Variants in LRRK1 observed in about 807,000 individuals in gnomAD.
LRRK1 encodes leucine-rich repeat serine/threonine-protein kinase 1.
A neutral mutation model predicts 209.1 loss-of-function variants in LRRK1; 113 were observed. That is an observed-to-expected ratio of 0.54 (90% CI 0.46 to 0.63). The LOEUF (loss-of-function observed/expected upper bound fraction) is 0.63, where lower values mean the gene tolerates loss of function less well. LRRK1 is among the 30% of genes least tolerant of loss of function. The probability of loss-of-function intolerance (pLI) is 0.00; values close to 1 mark genes in which losing one functional copy is unlikely to be tolerated. For missense variants in LRRK1, 2,284 were observed against 2,632.2 expected (o/e 0.87, Z 2.89); for synonymous variants, 1,144 against 1,099.7 (o/e 1.04, Z -0.80).
At chr15:101,065,165 C>T (rs1479853150) in intron 31 of LRRK1, 187 bp from the exon 32 acceptor site, 16 of 634,870 alleles carry the variant, frequency 2.5e-5, no homozygotes, top group Middle Eastern at 8.3e-4. Flanking sequence ...TATGGCTCTG[C>T]GGAGTCAGAG....
chr15:100,947,073 G>A (rs186089054), intron 2 of LRRK1, among the ~76,000 whole-genome samples: 2 of 152,056 alleles, frequency 1.3e-5, no homozygotes, highest in East Asian at 1.9e-4. Flanking sequence ...AGCTTCAAGC[G>A]ATTCCTCTGC....
intron 12 of LRRK1, 119 bp from the exon 13 acceptor site, chr15:101,020,934 T>C: frequency 9.1e-7 from 1 of 1,094,208 alleles, no homozygotes; most frequent in South Asian, 1.4e-5. Flanking sequence ...CATTTTGTTC[T>C]GATAGGCTTG....
chr15:100,992,265 A>G (rs767030773), intron 6 of LRRK1, among the ~76,000 whole-genome samples: 1 of 152,226 alleles, frequency 6.6e-6, no homozygotes, highest in Non-Finnish European at 1.5e-5. Context: ...AATTAGATAA[A>G]GCAGATCTTT....
chr15:101,022,826 T>C lies in LRRK1; in HGVS notation c.2067+229T>C, dbSNP rs2141711360. On this transcript the variant is annotated intron_variant, in intron 15 of 33. Transcript: ENST00000388948. This position sits in a 1 kb window ranked among gnomAD's most constrained non-coding sequence, Gnocchi z 4.0. ...TTTTTCTTTACTTTTCTTTTTTTTT[T>C]TTCTTGAGACAGGGTTTCACTGTGT... Among the ~76,000 whole-genome samples, 1 of 152,212 alleles carries C rather than the reference T, an allele frequency of 6.6e-6. No homozygotes were observed. Among genetic ancestry groups the C allele is most frequent in the Non-Finnish European group, 1.5e-5 (1 of 67,998 alleles).
chr15:101,019,848 T>C (rs540775917), intron 12 of LRRK1, among the ~76,000 whole-genome samples: 1 of 152,278 alleles, frequency 6.6e-6, no homozygotes, highest in East Asian at 1.9e-4. Flanking sequence ...TCTGCTGAAA[T>C]CCAAACCTCT....
rs375092831 is a variant in LRRK1, at chr15:100,964,124, G to A, written c.98-9680G>A. Reference sequence around the variant, plus strand: ...CTGTTAGTGAGAGCCCGCAGAGCCCGGCCCTGGCTTTTGCTTTCCTGTCTG... The same window carrying A: ...CTGTTAGTGAGAGCCCGCAGAGCCCAGCCCTGGCTTTTGCTTTCCTGTCTG... On this transcript the variant is annotated intron_variant, in intron 2 of 33. Transcript: ENST00000388948. Among the ~76,000 whole-genome samples, 47 of 152,226 alleles carry A rather than the reference G, an allele frequency of 3.1e-4. No homozygotes were observed. In the East Asian group the frequency reaches 4.1e-3, roughly 13 times the overall value.
chr15:100,983,649 C>T lies in LRRK1; in HGVS notation c.383C>T (p.Ala128Val), dbSNP rs754657738. 11 of 1,608,236 alleles carry T rather than the reference C, an allele frequency of 6.8e-6. No homozygotes were observed. In the East Asian group the frequency reaches 1.3e-4, roughly 20 times the overall value. Residue 128 changes from alanine (A) to valine (V), a missense_variant, in exon 4 of 34, where the codon GCG (alanine) becomes GTG (valine). Transcript: ENST00000388948. ...PTDDNPAVVA[A>V]YFGHTAVVQE... Reference sequence around the variant, plus strand: ...GATGACAACCCAGCCGTGGTGGCAGCGTATTTTGGACACACGGCAGTTGTG... The same window carrying T: ...GATGACAACCCAGCCGTGGTGGCAGTGTATTTTGGACACACGGCAGTTGTG...
intron 20 of LRRK1, among the ~76,000 whole-genome samples, chr15:101,031,994 A>G (rs1414016477): frequency 1.3e-5 from 2 of 152,192 alleles, no homozygotes; most frequent in Non-Finnish European, 2.9e-5. Flanking sequence ...TTGGCCTCCC[A>G]AAGTGCTGGG....
At chr15:100,923,420 T>C (rs1254092157) in intron 1 of LRRK1, among the ~76,000 whole-genome samples, 2 of 152,232 alleles carry the variant, frequency 1.3e-5, no homozygotes, top group Non-Finnish European at 2.9e-5. Context: ...GGCTGCACTA[T>C]CACTCCCCAT....
Position 101,012,161 on chromosome 15 carries a change from C to T in LRRK1, c.1419+16C>T. On this transcript the variant is annotated intron_variant, in intron 10 of 33. Transcript: ENST00000388948. ...CCAGCTTGATGTAAGCCTAATAGCC[C>T]TTTCTTTCTCATTTTCGGCTTTTGA... The T allele has an allele frequency of 6.3e-7, 1 of 1,578,836 alleles. No individual in the cohort carries two copies. Among genetic ancestry groups the T allele is most frequent in the Non-Finnish European group, 8.6e-7 (1 of 1,166,960 alleles).
chr15:101,051,290 C>T (rs1195242866), intron 23 of LRRK1, among the ~76,000 whole-genome samples: 3 of 152,232 alleles, frequency 2.0e-5, no homozygotes, highest in African/African-American at 7.2e-5. Flanking sequence ...CCCTGCATTG[C>T]CCTTCATGGA....
intron 2 of LRRK1, among the ~76,000 whole-genome samples, chr15:100,949,090 T>C (rs2042596680): frequency 6.6e-6 from 1 of 152,108 alleles, no homozygotes; most frequent in Non-Finnish European, 1.5e-5. Flanking sequence ...AAAAGTTAGT[T>C]CTTTGAAAAA....
chr15:100,956,455 C>CTTTTTTTTTTCTTTTTTTTTTTTTTT (rs2042762776), intron 2 of LRRK1, among the ~76,000 whole-genome samples: 4 of 60,532 alleles, frequency 6.6e-5, no homozygotes, highest in African/African-American at 2.6e-4. Context: ...TTTTTTTTTT[C>CTTTTTTTTTTCTTTTTTTTTTTTTTT]TTTTTTTTTT....
intron 2 of LRRK1, among the ~76,000 whole-genome samples, chr15:100,956,075 T>G (rs940629780): frequency 6.6e-6 from 1 of 152,238 alleles, no homozygotes; most frequent in African/African-American, 2.4e-5. Context: ...CACTCTTCTT[T>G]AAACGTTTGG....
chr15:101,052,982 G>A lies in LRRK1; in HGVS notation c.3750G>A (p.Gln1250=), dbSNP rs369708016. Residue 1250 remains glutamine (Q), a synonymous_variant, in exon 25 of 34, where the codon CAG becomes CAA. Coordinates refer to ENST00000388948, the MANE Select transcript of LRRK1 (RefSeq NM_024652.6). The stretch of plus-strand genomic sequence containing the variant: ...AGGACGAGGGCAGCGTCCTGGGCCA[G>A]GGCGGCAGTGGCACCGTCATCTACC... The part of the protein sequence containing the change: ...HSEDEGSVLG[Q]GGSGTVIYRA... The A allele has an allele frequency of 5.0e-5, 80 of 1,612,920 alleles. 1 individual carries two copies. In the African/African-American group the frequency reaches 7.6e-4, roughly 15 times the overall value.
In LRRK1 at chr15:101,062,621, C is replaced by T; in HGVS notation, c.4845C>T (p.Asn1615=). 1 of 1,614,222 alleles carries T rather than the reference C, an allele frequency of 6.2e-7. No homozygotes were observed. The highest frequency in any genetic ancestry group is 8.5e-7 in the Non-Finnish European group (1 of 1,180,028). The change falls in exon 31 of 34, where the codon AAC becomes AAT. Residue 1615 remains asparagine (N), a synonymous_variant. Transcript: ENST00000388948. ...IYTLKGMCPL[N]TPQQALDTPA... is the part of the protein sequence containing the mutation. ...CCCTCAAGGGCATGTGCCCCTTAAACACACCCCAACAGGCCTTGGATACTC... is the reference window on the plus strand; with the variant it reads ...CCCTCAAGGGCATGTGCCCCTTAAATACACCCCAACAGGCCTTGGATACTC...
In LRRK1 at chr15:101,014,306, T is replaced by G. The variant is rs775433337; in HGVS notation, c.1420-10T>G. On this transcript the variant is annotated splice_polypyrimidine_tract_variant and intron_variant, in intron 10 of 33. Transcript: ENST00000388948. Reference sequence around the variant, plus strand: ...ATCTTAGCTTCTCTCTCCCTCCCTCTCTCTCTCAGGCCCTCATGTTCTTGA... The same window carrying G: ...ATCTTAGCTTCTCTCTCCCTCCCTCGCTCTCTCAGGCCCTCATGTTCTTGA... 3 of 1,592,712 alleles carry G rather than the reference T, an allele frequency of 1.9e-6. No individual in the cohort carries two copies. Among genetic ancestry groups the G allele is most frequent in the Non-Finnish European group, 2.6e-6 (3 of 1,162,978 alleles).
At chr15:101,014,485 G>T in intron 11 of LRRK1, 57 bp downstream of exon 11, 1 of 1,169,098 alleles carries the variant, frequency 8.6e-7, no homozygotes, top group South Asian at 1.2e-5. Context: ...GGCCACGGTC[G>T]AGCAGGTCCT....
intron 20 of LRRK1, among the ~76,000 whole-genome samples, chr15:101,029,773 CAGG>C (rs2034203242): frequency 6.6e-6 from 1 of 152,114 alleles, no homozygotes; most frequent in Non-Finnish European, 1.5e-5. Context: ...GAGACTGAAG[CAGG>C]AGAATTGCTT....
Sources: gnomAD v4.1 joint callset for allele counts (sites outside exome capture counted in the v4.1 genomes callset) on GRCh38, gnomAD v4.1.1 for gene constraint, Gnocchi (gnomAD v3.1) non-coding constraint, MANE v1.5 for transcripts, NCBI Gene and HGNC (gene_info 2026-07-23, HGNC 2026-07-21) for gene names.